Variants in IKBKB-DT observed in about 807,000 individuals in gnomAD.
The protein encoded by IKBKB-DT is IKBKB antisense RNA.
chr8:42,237,190 G>C (rs1042223973), intron 3 of IKBKB-DT, among the ~76,000 whole-genome samples: 1 of 151,900 alleles, frequency 6.6e-6, no homozygotes, highest in African/African-American at 2.4e-5. Context: ...GGGTTCAAGC[G>C]ATCCTCCTGC....
At chr8:42,240,556 TAG>T (rs1806987830) in intron 3 of IKBKB-DT, among the ~76,000 whole-genome samples, 1 of 129,700 alleles carries the variant, frequency 7.7e-6, no homozygotes, top group African/African-American at 3.0e-5. Flanking sequence ...ACCCGGGAGG[TAG>T]AGTTTGCAGT....
intron 1 of IKBKB-DT, among the ~76,000 whole-genome samples, chr8:42,269,144 C>T (rs1027232028): frequency 4.0e-5 from 6 of 150,644 alleles, no homozygotes; most frequent in Non-Finnish European, 8.9e-5. Flanking sequence ...AGTGAGACCC[C>T]CATGTCAACA....
At chr8:42,248,147 G>A (rs563121218) in intron 3 of IKBKB-DT, among the ~76,000 whole-genome samples, 8 of 151,448 alleles carry the variant, frequency 5.3e-5, no homozygotes, top group African/African-American at 1.9e-4. Flanking sequence ...TAAGTTTCCC[G>A]AGGCCTCCCC....
chr8:42,261,458 C>T (rs1807288110), intron 3 of IKBKB-DT, among the ~76,000 whole-genome samples: 1 of 152,160 alleles, frequency 6.6e-6, no homozygotes, highest in Non-Finnish European at 1.5e-5. Flanking sequence ...CCTCTAGCAG[C>T]CACTCACTAT....
At chr8:42,270,519 C>CT (rs139968634) in intron 1 of IKBKB-DT, 1 of 152,340 alleles carries the variant, frequency 6.6e-6, no homozygotes, top group African/African-American at 2.4e-5. Context: ...ATAAGGAAAT[C>CT]TAAGTACAGA....
chr8:42,239,276 T>A (rs1475077113), intron 3 of IKBKB-DT, among the ~76,000 whole-genome samples: 4 of 151,952 alleles, frequency 2.6e-5, no homozygotes, highest in Non-Finnish European at 5.9e-5. Context: ...GAGCCTGGGG[T>A]GACCATCCTC....
At chr8:42,239,647 T>TATATATATATATATGTA (rs1421622295) in intron 3 of IKBKB-DT, among the ~76,000 whole-genome samples, 1 of 124,414 alleles carries the variant, frequency 8.0e-6, no homozygotes, top group Non-Finnish European at 1.7e-5. Flanking sequence ...TATTTATTTA[T>TATATATATATATATGTA]TCATTTTTTT....
At chr8:42,235,028 C>T (rs1806900198) in intron 3 of IKBKB-DT, among the ~76,000 whole-genome samples, 1 of 152,044 alleles carries the variant, frequency 6.6e-6, no homozygotes, top group South Asian at 2.1e-4. Context: ...GGTTCAAATT[C>T]TAAATAATTA....
chr8:42,255,852 C>T (rs778948418), intron 3 of IKBKB-DT, among the ~76,000 whole-genome samples: 17 of 151,728 alleles, frequency 1.1e-4, no homozygotes, highest in Admixed American at 4.6e-4. Flanking sequence ...AGTGAAACCC[C>T]GTCTCTACTA....
chr8:42,269,976 A>G (rs1169927341), intron 1 of IKBKB-DT, among the ~76,000 whole-genome samples: 1 of 152,152 alleles, frequency 6.6e-6, no homozygotes, highest in Non-Finnish European at 1.5e-5. Flanking sequence ...ATTCAACCTA[A>G]TATTGCCTAA....
rs576986330 is a variant in IKBKB-DT at position 42,261,991 on chromosome 8, G to A, written n.1529+1338C>T. On this transcript the variant is annotated intron_variant and non_coding_transcript_variant, in intron 3 of 3. Transcript: ENST00000518213. The stretch of plus-strand genomic sequence containing the variant: ...ATGCTACATTTTTAGGACACAAAAG[G>A]AGACAAACAGGAAAGCAATAGCTGT... 2.0e-5 allele frequency among the ~76,000 whole-genome samples: 3 copies of A among 152,328 alleles called. No individual in the cohort carries two copies. In the East Asian group the frequency reaches 5.8e-4, roughly 29 times the overall value.
intron 2 of IKBKB-DT, among the ~76,000 whole-genome samples, chr8:42,263,875 G>A (rs1358020320): frequency 3.9e-5 from 6 of 152,154 alleles, no homozygotes; most frequent in African/African-American, 1.2e-4. Context: ...GCAATGGCAC[G>A]ATTTTGGCTC....
intron 3 of IKBKB-DT, among the ~76,000 whole-genome samples, chr8:42,236,491 C>T (rs1047010879): frequency 2.0e-5 from 3 of 152,126 alleles, no homozygotes; most frequent in African/African-American, 7.2e-5. Context: ...AGGGGCTGGG[C>T]GCAGTGTCTC....
chr8:42,260,609 G>T (rs1807272384), intron 3 of IKBKB-DT, among the ~76,000 whole-genome samples: 1 of 145,618 alleles, frequency 6.9e-6, no homozygotes, highest in African/African-American at 2.6e-5. Flanking sequence ...CGCAGAGGTT[G>T]CAGTGAGCCG....
intron 3 of IKBKB-DT, chr8:42,249,509 CTT>C (rs1807104831): frequency 6.6e-6 from 1 of 151,536 alleles, no homozygotes; most frequent in African/African-American, 2.4e-5. Flanking sequence ...AACTACAAGA[CTT>C]TTGATTCTAC....
intron 1 of IKBKB-DT, among the ~76,000 whole-genome samples, chr8:42,268,309 G>T (rs1759799757): frequency 6.6e-6 from 1 of 150,622 alleles, no homozygotes; most frequent in African/African-American, 2.4e-5. Flanking sequence ...TAATTTTTTT[G>T]TATTTTTAGT....
At chr8:42,248,675 T>C (rs1338859712) in intron 3 of IKBKB-DT, among the ~76,000 whole-genome samples, 3 of 151,814 alleles carry the variant, frequency 2.0e-5, no homozygotes, top group Non-Finnish European at 2.9e-5. Flanking sequence ...GGTCAGGAGT[T>C]CGAGGCCAGC....
chr8:42,267,822 C>T (rs911560083), intron 1 of IKBKB-DT, among the ~76,000 whole-genome samples: 1 of 151,974 alleles, frequency 6.6e-6, no homozygotes, highest in African/African-American at 2.4e-5. Context: ...TAATAAATAT[C>T]TTGGAATATG....
chr8:42,261,673 T>C (rs1807290700), intron 3 of IKBKB-DT, among the ~76,000 whole-genome samples: 1 of 152,236 alleles, frequency 6.6e-6, no homozygotes, highest in Admixed American at 6.5e-5. Flanking sequence ...GCCTCTCTTT[T>C]GTTGTCTGGA....
Sources: gnomAD v4.1 joint callset for allele counts (sites outside exome capture counted in the v4.1 genomes callset) on GRCh38, gnomAD v4.1.1 for gene constraint, MANE v1.5 for transcripts, NCBI Gene and HGNC (gene_info 2026-07-23, HGNC 2026-07-21) for gene names.